Variants in IFT88 observed in about 807,000 individuals in gnomAD.
The protein encoded by IFT88 is intraflagellar transport protein 88 homolog.
Under a neutral mutation model 119.5 loss-of-function variants are expected in IFT88, and 74 were observed. That is an observed-to-expected ratio of 0.62 (90% CI 0.51 to 0.75). The LOEUF is 0.75. Among genes scored for constraint, IFT88 ranks in the 30% least tolerant of loss-of-function variants. The pLI, the probability that IFT88 is intolerant of heterozygous loss-of-function variation, is 0.00. For synonymous variants in IFT88, 279 were observed against 316.7 expected (o/e 0.88, Z 1.26); for missense variants, 961 against 977.7 (o/e 0.98, Z 0.23).
At chr13:20,577,301 A>G (rs561258007) in intron 2 of IFT88, among the ~76,000 whole-genome samples, 273 of 152,230 alleles carry the variant, frequency 1.8e-3, no homozygotes, top group Non-Finnish European at 2.5e-3. Flanking sequence ...CATATCATCT[A>G]TAAACTAGGG....
At chr13:20,579,074 C>T (rs1188399465) in intron 2 of IFT88, among the ~76,000 whole-genome samples, 1 of 152,092 alleles carries the variant, frequency 6.6e-6, no homozygotes, top group African/African-American at 2.4e-5. Context: ...GTTTGGTTTG[C>T]TTTGCTTTTC....
chr13:20,644,544 G>C (rs1316596369), intron 19 of IFT88, among the ~76,000 whole-genome samples: 1 of 151,586 alleles, frequency 6.6e-6, no homozygotes, highest in African/African-American at 2.4e-5. Context: ...AGAAGTACCA[G>C]TTCATTTTTC....
chr13:20,625,891 A>T (rs1234063767), intron 15 of IFT88, 42 bp downstream of exon 15: 1 of 1,047,038 alleles, frequency 9.6e-7, no homozygotes, highest in Non-Finnish European at 1.4e-6. Context: ...CCATATCTTA[A>T]TTGGTCAAAG....
chr13:20,684,713 C>G (rs1398533808), intron 24 of IFT88, among the ~76,000 whole-genome samples: 1 of 152,188 alleles, frequency 6.6e-6, no homozygotes, highest in African/African-American at 2.4e-5. Flanking sequence ...GAGGAGATGC[C>G]GAAGCAGACT....
At chr13:20,646,011 A>C (rs77568708) in intron 20 of IFT88, among the ~76,000 whole-genome samples, 5,066 of 152,324 alleles carry the variant, frequency 0.033, 120 homozygotes, top group Middle Eastern at 0.071. Flanking sequence ...ATTACACTTA[A>C]TACTACTCTA....
At chr13:20,673,777 C>A (rs7999803) in intron 24 of IFT88, among the ~76,000 whole-genome samples, 13 of 152,274 alleles carry the variant, frequency 8.5e-5, no homozygotes, top group African/African-American at 2.9e-4. Flanking sequence ...TCCTTTCTTT[C>A]TTCCAGTCCA....
intron 23 of IFT88, among the ~76,000 whole-genome samples, chr13:20,669,425 T>A (rs1189072191): frequency 4.1e-5 from 1 of 24,208 alleles, no homozygotes; most frequent in African/African-American, 1.0e-4. Flanking sequence ...ATTTTCAGCA[T>A]TTTTTTTTTT....
chr13:20,583,118 GA>G (rs35700311), intron 3 of IFT88, 99 bp downstream of exon 3: 495,821 of 669,698 alleles, frequency 0.74, 187,660 homozygotes, highest in East Asian at 1. Context: ...TAGTGTTAAA[GA>G]TTATAACCAT....
At chr13:20,570,848 A>G (rs1439916841) in intron 1 of IFT88, among the ~76,000 whole-genome samples, 3 of 152,226 alleles carry the variant, frequency 2.0e-5, no homozygotes, top group Non-Finnish European at 1.5e-5. Context: ...ATTGTATGGT[A>G]TATGAATTAT....
At chr13:20,581,952 TA>T (rs1263344301) in intron 2 of IFT88, among the ~76,000 whole-genome samples, 1 of 152,134 alleles carries the variant, frequency 6.6e-6, no homozygotes, top group Non-Finnish European at 1.5e-5. Flanking sequence ...CCTGGTAATA[TA>T]AACATTTTAT....
At chr13:20,595,071 A>T (rs2041399494) in intron 7 of IFT88, among the ~76,000 whole-genome samples, 1 of 152,126 alleles carries the variant, frequency 6.6e-6, no homozygotes, top group Non-Finnish European at 1.5e-5. Context: ...CTATTAATAG[A>T]GCCAGGATTT....
intron 9 of IFT88, among the ~76,000 whole-genome samples, chr13:20,597,656 A>C (rs955231673): frequency 6.6e-6 from 1 of 151,728 alleles, no homozygotes; most frequent in Non-Finnish European, 1.5e-5. Context: ...GAGCAGGAGA[A>C]TGGCGTGAAC....
At chr13:20,651,715 C>T (rs1315321897) in intron 20 of IFT88, among the ~76,000 whole-genome samples, 1 of 151,618 alleles carries the variant, frequency 6.6e-6, no homozygotes, top group Non-Finnish European at 1.5e-5. Flanking sequence ...TATTATTAAC[C>T]TCTTACCATG....
chr13:20,691,335 C>A lies in IFT88; in HGVS notation c.*160C>A, dbSNP rs1165781123. 5 of 607,576 alleles carry A rather than the reference C, an allele frequency of 8.2e-6. No individual in the cohort carries two copies. The highest frequency in any genetic ancestry group is 3.6e-5 in the Admixed American group (1 of 27,786). 37.6% of individuals were successfully genotyped at this position (607,576 alleles called of 1,614,324 possible). ...ATGTATGCATTTAAGTTGTTTTTTT[C>A]TTTTAAGGAATAAAAACAGGTAAAA... On this transcript the variant is annotated 3_prime_UTR_variant, in exon 26 of 26. Coordinates refer to ENST00000351808, the MANE Select transcript of IFT88 (RefSeq NM_006531.5).
At chr13:20,684,294 T>C (rs1015665007) in intron 24 of IFT88, among the ~76,000 whole-genome samples, 2 of 152,208 alleles carry the variant, frequency 1.3e-5, no homozygotes, top group African/African-American at 4.8e-5. Context: ...CAGTGTCCTC[T>C]GGAAAAGAGA....
At chr13:20,581,968 A>G (rs2038761832) in intron 2 of IFT88, among the ~76,000 whole-genome samples, 1 of 152,098 alleles carries the variant, frequency 6.6e-6, no homozygotes, top group African/African-American at 2.4e-5. Flanking sequence ...TTTTATTTTG[A>G]TTATTTTCAA....
At chr13:20,644,271 A>G (rs1594575485) in intron 19 of IFT88, among the ~76,000 whole-genome samples, 1 of 152,268 alleles carries the variant, frequency 6.6e-6, no homozygotes, top group African/African-American at 2.4e-5. Context: ...AGGCCAAGGA[A>G]GGCAGATTAC....
chr13:20,582,453 C>T (rs1259615095), intron 2 of IFT88, among the ~76,000 whole-genome samples: 1 of 152,124 alleles, frequency 6.6e-6, no homozygotes, highest in African/African-American at 2.4e-5. Flanking sequence ...TTGACCTCTC[C>T]AGTGAGATGA....
At chr13:20,654,208 A>G (rs560327647) in intron 21 of IFT88, among the ~76,000 whole-genome samples, 2 of 152,354 alleles carry the variant, frequency 1.3e-5, no homozygotes, top group Admixed American at 1.3e-4. Context: ...AGTTAGCCAC[A>G]GAAAAAAATA....
Sources: gnomAD v4.1 joint callset for allele counts (sites outside exome capture counted in the v4.1 genomes callset) on GRCh38, gnomAD v4.1.1 for gene constraint, MANE v1.5 for transcripts, NCBI Gene and HGNC (gene_info 2026-07-23, HGNC 2026-07-21) for gene names.